The following GPR26 variants were observed in gnomAD, a reference collection of about 807,000 sequenced individuals.
The protein encoded by GPR26 is G protein-coupled receptor 26.
A neutral mutation model predicts 23.1 loss-of-function variants in GPR26; 15 were observed. The observed-to-expected ratio is 0.65, with a 90% CI of 0.43 to 1.00. GPR26 has a LOEUF of 1.00. GPR26 is among the 50% of genes least tolerant of loss of function. The pLI, the probability that GPR26 is intolerant of heterozygous loss-of-function variation, is 0.00. For synonymous variants in GPR26, 228 were observed against 222.1 expected (o/e 1.03, Z -0.24); for missense variants, 359 against 470.5 (o/e 0.76, Z 2.19).
rs1845182991 is a variant in GPR26, at chr10:123,666,436, G to A, written c.29G>A (p.Gly10Glu). Residue 10 changes from glycine to glutamate, a missense_variant, in exon 1 of 3, where the codon GGG becomes GAG. Transcript: ENST00000284674. Reference protein sequence around the residue: MNSWDAGLAGLLVGTMGVSL... With the variant: MNSWDAGLAELLVGTMGVSL... ...AACTCGTGGGACGCGGGCCTGGCGG[G>A]GCTACTGGTGGGCACGATGGGCGTC... 1.3e-6 allele frequency: 2 copies of A among 1,534,860 alleles called. No individual in the cohort carries two copies. Among genetic ancestry groups the A allele is most frequent in the Non-Finnish European group, 1.7e-6 (2 of 1,149,904 alleles).
At chr10:123,671,064 G>A (rs1036923924) in intron 1 of GPR26, among the ~76,000 whole-genome samples, 5 of 152,100 alleles carry the variant, frequency 3.3e-5, no homozygotes, top group East Asian at 3.9e-4. Context: ...TCCATCAGTC[G>A]GCTTGTTCCC....
intron 2 of GPR26, among the ~76,000 whole-genome samples, chr10:123,681,236 G>A (rs1004420161): frequency 6.6e-6 from 1 of 152,092 alleles, no homozygotes; most frequent in Admixed American, 6.5e-5. Flanking sequence ...CTAGTGTTCT[G>A]CCTGAAACCG....
Position 123,688,493 on chromosome 10 carries a change from G to A in GPR26, c.*333G>A. The A allele has an allele frequency of 3.0e-6, 1 of 332,192 alleles. No homozygotes were observed. 20.6% of individuals were successfully genotyped at this position (332,192 alleles called of 1,614,324 possible). On this transcript the variant is annotated 3_prime_UTR_variant, in exon 3 of 3. Coordinates refer to ENST00000284674, the MANE Select transcript of GPR26 (RefSeq NM_153442.4). Reference sequence around the variant, plus strand: ...CAAGGATGCAGAGAGCTGGTGGTAGGTGGGAAGCATGGTGTCCACCTGCCT... The same window carrying A: ...CAAGGATGCAGAGAGCTGGTGGTAGATGGGAAGCATGGTGTCCACCTGCCT...
intron 2 of GPR26, among the ~76,000 whole-genome samples, chr10:123,684,024 C>A (rs537073765): frequency 1.3e-5 from 2 of 152,294 alleles, no homozygotes; most frequent in Admixed American, 6.5e-5. Context: ...CCAGCTCCAT[C>A]CCCTCCCCCA....
intron 1 of GPR26, among the ~76,000 whole-genome samples, chr10:123,671,495 G>A (rs762647850): frequency 1.3e-4 from 20 of 152,038 alleles, no homozygotes; most frequent in South Asian, 2.1e-4. Context: ...CAAGGAAACT[G>A]TCATGTCACA....
intron 2 of GPR26, among the ~76,000 whole-genome samples, chr10:123,676,230 T>C (rs1845308903): frequency 6.6e-6 from 1 of 152,204 alleles, no homozygotes; most frequent in Non-Finnish European, 1.5e-5. Context: ...TTCTGTGGCA[T>C]GCTGCTTTCT....
intron 1 of GPR26, among the ~76,000 whole-genome samples, chr10:123,667,483 A>G (rs1845200558): frequency 6.6e-6 from 1 of 151,728 alleles, no homozygotes; most frequent in Admixed American, 6.6e-5. Context: ...GAGCTCCTTA[A>G]GAGCTTTTCA....
chr10:123,696,843 G>A lies in GPR26; in HGVS notation c.*8683G>A, dbSNP rs1450275440. On this transcript the variant is annotated 3_prime_UTR_variant, in exon 3 of 3. Coordinates refer to ENST00000284674, the MANE Select transcript of GPR26 (RefSeq NM_153442.4). ...TATAGGTGAATATTTGTGTGCCCATGAGCATATGCATATGGGTGAATGTTT... is the reference window on the plus strand; with the variant it reads ...TATAGGTGAATATTTGTGTGCCCATAAGCATATGCATATGGGTGAATGTTT... Among the ~76,000 whole-genome samples the A allele has an allele frequency of 6.6e-6, 1 of 151,914 alleles. No homozygotes were observed. The highest frequency in any genetic ancestry group is 1.5e-5 in the Non-Finnish European group (1 of 68,002).
chr10:123,684,904 G>A (rs1845414817), intron 2 of GPR26, among the ~76,000 whole-genome samples: 1 of 152,186 alleles, frequency 6.6e-6, no homozygotes, highest in Admixed American at 6.5e-5. Flanking sequence ...ACAAAAGGAA[G>A]CCAAGTCGTG....
At chr10:123,670,658 C>T (rs1032901267) in intron 1 of GPR26, among the ~76,000 whole-genome samples, 2 of 152,172 alleles carry the variant, frequency 1.3e-5, no homozygotes, top group Admixed American at 1.3e-4. Context: ...ACCAGCACCA[C>T]GAGGGGCCTC....
intron 1 of GPR26, among the ~76,000 whole-genome samples, chr10:123,672,671 C>A (rs1002129011): frequency 1.4e-4 from 21 of 152,200 alleles, no homozygotes; most frequent in Admixed American, 1.0e-3. Context: ...GTGCACATGG[C>A]CCCAGAGTCA....
At position 123,691,539 on chromosome 10, in the gene GPR26, G is replaced by A. The variant is rs1845490644; in HGVS notation, c.*3379G>A. ...TCCCATGGCTACAGTGTGACCCTTG[G>A]AGGAACCAAAGGCTGTGCATTGTTA... On this transcript the variant is annotated 3_prime_UTR_variant, in exon 3 of 3. Coordinates refer to ENST00000284674, the MANE Select transcript of GPR26 (RefSeq NM_153442.4). 3 of 152,176 alleles carry A rather than the reference G, an allele frequency of 2.0e-5. No individual in the cohort carries two copies. The allele number at this position is 152,176 out of a possible 1,614,324, so 9.4% of individuals were successfully genotyped here.
intron 2 of GPR26, among the ~76,000 whole-genome samples, chr10:123,677,589 A>T (rs1248299095): frequency 6.6e-6 from 1 of 152,168 alleles, no homozygotes; most frequent in Non-Finnish European, 1.5e-5. Context: ...CAGCGGAGGC[A>T]TGGGTTGGTG....
Position 123,672,511 on chromosome 10 carries a change from C to T in GPR26, c.669-2307C>T, listed in dbSNP as rs990100520. ...CCCAGGGAGGGTCACAGAGCCAGCA[C>T]AAGCATCAGATCTCCACCTCAGGCC... is the stretch of plus-strand genomic sequence containing the variant. On this transcript the variant is annotated intron_variant, in intron 1 of 2. Transcript: ENST00000284674. Among the ~76,000 whole-genome samples the T allele has an allele frequency of 9.2e-5, 14 of 152,226 alleles. No individual in the cohort carries two copies. The South Asian group carries it at 1.7e-3, about 18-fold the overall frequency.
chr10:123,686,714 G>A (rs1324522123), intron 2 of GPR26, among the ~76,000 whole-genome samples: 1 of 152,146 alleles, frequency 6.6e-6, no homozygotes, highest in Admixed American at 6.5e-5. Context: ...CCCAAGCTGA[G>A]AGCCACCACC....
intron 2 of GPR26, among the ~76,000 whole-genome samples, chr10:123,676,160 G>A (rs1438254272): frequency 2.0e-5 from 3 of 152,266 alleles, no homozygotes; most frequent in East Asian, 1.9e-4. Flanking sequence ...CTGACTTCCT[G>A]GAGTCCAGCT....
intron 2 of GPR26, among the ~76,000 whole-genome samples, chr10:123,686,056 A>C (rs947316762): frequency 6.6e-6 from 1 of 152,330 alleles, no homozygotes; most frequent in African/African-American, 2.4e-5. Context: ...AAATGGTGAA[A>C]TTTTAGATTG....
At chr10:123,678,946 A>T (rs1315272944) in intron 2 of GPR26, among the ~76,000 whole-genome samples, 1 of 152,224 alleles carries the variant, frequency 6.6e-6, no homozygotes, top group Non-Finnish European at 1.5e-5. Context: ...GGAGAAGCCA[A>T]TTAATGGTAA....
chr10:123,683,831 T>TGTG (rs1441283973), intron 2 of GPR26, among the ~76,000 whole-genome samples: 19 of 152,322 alleles, frequency 1.2e-4, no homozygotes, highest in Middle Eastern at 6.8e-3. Context: ...GTATCTGCTC[T>TGTG]GTGTCTCACC....
Sources: allele counts gnomAD v4.1 joint callset (sites outside exome capture counted in the v4.1 genomes callset), GRCh38; gene constraint gnomAD v4.1.1; transcripts MANE v1.5; gene names NCBI Gene and HGNC (gene_info 2026-07-23, HGNC 2026-07-21).